Variants in SGCA observed in about 807,000 individuals in gnomAD.
SGCA encodes the protein sarcoglycan alpha.
SGCA carries 34 observed loss-of-function variants against 38.1 expected under a neutral mutation model. That is an observed-to-expected ratio of 0.89 (90% confidence interval 0.68 to 1.19). The LOEUF is 1.19. SGCA is among the 50% of genes most tolerant of loss of function. The pLI is 0.00. For missense variants in SGCA, 476 were observed against 524.9 expected (o/e 0.91, Z 0.91); for synonymous variants, 209 against 214.6 (o/e 0.97, Z 0.23).
chr17:50,171,836 TTG>T (rs1048664137), intron 8 of SGCA: 9 of 456,680 alleles, frequency 2.0e-5, no homozygotes, highest in African/African-American at 1.8e-4. Context: ...GGACACATAC[TTG>T]CAGGTCCCCT....
At chr17:50,169,414 TACACACAC>T (rs3138607) in intron 6 of SGCA, 160 bp downstream of exon 6, 12 of 481,356 alleles carry the variant, frequency 2.5e-5, no homozygotes, top group Admixed American at 1.4e-4. Flanking sequence ...AGTCTGAGGA[TACACACAC>T]ACACACACAC....
At chr17:50,175,587 G>C in intron 9 of SGCA, 125 bp from the exon 10 acceptor site, 1 of 790,688 alleles carries the variant, frequency 1.3e-6, no homozygotes, top group Non-Finnish European at 2.1e-6. Flanking sequence ...GGCCGCTGCT[G>C]GGGGTCCTCA....
At chr17:50,172,883 CT>C (rs1190520004) in intron 8 of SGCA, among the ~76,000 whole-genome samples, 2 of 152,170 alleles carry the variant, frequency 1.3e-5, no homozygotes, top group Non-Finnish European at 2.9e-5. Flanking sequence ...CTTTTATTTT[CT>C]GTTTTCAATT....
intron 6 of SGCA, chr17:50,169,514 C>A (rs2144499471): frequency 3.8e-6 from 2 of 529,908 alleles, no homozygotes; most frequent in East Asian, 3.2e-5. Context: ...GGGTCTCCAA[C>A]TCCCGCGCCC....
At chr17:50,169,447 C>A (rs866495757) in intron 6 of SGCA, 193 bp downstream of exon 6, 2 of 427,512 alleles carry the variant, frequency 4.7e-6, no homozygotes, top group South Asian at 2.9e-5. Flanking sequence ...ACACACACAC[C>A]CCTGAAGTTC....
chr17:50,168,981 C>G (rs1905152704), intron 5 of SGCA, 111 bp from the exon 6 acceptor site: 1 of 998,110 alleles, frequency 1.0e-6, no homozygotes, highest in African/African-American at 1.6e-5. Flanking sequence ...CTCCCTCATC[C>G]CATCCCCAGG....
Position 50,167,287 on chromosome 17 carries a change from G to A in SGCA, c.38-81G>A. The A allele has an allele frequency of 6.2e-7, 1 of 1,600,750 alleles. No individual in the cohort carries two copies. The highest frequency in any genetic ancestry group is 1.7e-4 in the Middle Eastern group (1 of 5,934). On this transcript the variant is annotated intron_variant, in intron 1 of 9. Coordinates refer to ENST00000262018, the MANE Select transcript of SGCA (RefSeq NM_000023.4). This position sits in a 1 kb window ranked among gnomAD's most constrained non-coding sequence, Gnocchi z 4.5. ...TCTCTCGGTCCCTTAGGGGCTCCAAGGACTTGGTGGGGAAGGGAGCTTATC... is the reference window on the plus strand; with the variant it reads ...TCTCTCGGTCCCTTAGGGGCTCCAAAGACTTGGTGGGGAAGGGAGCTTATC...
rs199810179 is a variant in SGCA at position 50,168,490 on chromosome 17, G to A, written c.502G>A (p.Gly168Arg). 7.6e-6 allele frequency: 12 copies of A among 1,579,924 alleles called. No homozygotes were observed. Among genetic ancestry groups the A allele is most frequent in the East Asian group, 4.6e-5 (2 of 43,432 alleles). Reference protein sequence around the residue: ...LSALGGLWEPGELQLLNVTSA... With the variant: ...LSALGGLWEPRELQLLNVTSA... Reference sequence around the variant, plus strand: ...AGCCTTGGGGGGACTCTGGGAGCCCGGAGAGCTTCAGCTGCTCAACGTCAC... The same window carrying A: ...AGCCTTGGGGGGACTCTGGGAGCCCAGAGAGCTTCAGCTGCTCAACGTCAC... The change falls in exon 5 of 10, where the codon GGA becomes AGA. Residue 168 changes from glycine to arginine, a missense_variant. Coordinates refer to ENST00000262018, the MANE Select transcript of SGCA (RefSeq NM_000023.4).
chr17:50,169,273 T>C lies in SGCA; in HGVS notation c.747+19T>C, dbSNP rs372018946. ...GACCCTGGTGAGGAGGGACCCTGGG[T>C]CCGGGGGTGGGGTGGGGCATGGCCC... On this transcript the variant is annotated intron_variant, in intron 6 of 9. Coordinates refer to ENST00000262018, the MANE Select transcript of SGCA (RefSeq NM_000023.4). 3.7e-6 allele frequency: 6 copies of C among 1,601,698 alleles called. No homozygotes were observed. Among genetic ancestry groups the C allele is most frequent in the African/African-American group, 1.3e-5 (1 of 74,674 alleles).
At chr17:50,174,100 C>T (rs987506046) in intron 8 of SGCA, among the ~76,000 whole-genome samples, 11 of 152,154 alleles carry the variant, frequency 7.2e-5, no homozygotes, top group African/African-American at 2.4e-5. Context: ...AGGAGGGTCC[C>T]TTGAGGCCAG....
intron 8 of SGCA, among the ~76,000 whole-genome samples, 194 bp downstream of exon 8, chr17:50,170,860 G>A (rs1052746233): frequency 6.6e-6 from 1 of 152,158 alleles, no homozygotes; most frequent in Non-Finnish European, 1.5e-5. Flanking sequence ...GGAAGTTTGA[G>A]GCCAGCCTGG....
In SGCA at chr17:50,166,088, G is replaced by A. The variant is rs539899170; in HGVS notation, c.37+11G>A. 62 of 1,611,376 alleles carry A rather than the reference G, an allele frequency of 3.8e-5. No individual in the cohort carries two copies. In the South Asian group the frequency reaches 5.6e-4, roughly 15 times the overall value. Reference sequence around the variant, plus strand: ...CTCCTCTCCTCGTGGGCAAGTTGGGGCCTTGTTCAGCGGGGAGGCCCAGGA... The same window carrying A: ...CTCCTCTCCTCGTGGGCAAGTTGGGACCTTGTTCAGCGGGGAGGCCCAGGA... On this transcript the variant is annotated intron_variant, in intron 1 of 9. Coordinates refer to ENST00000262018, the MANE Select transcript of SGCA (RefSeq NM_000023.4).
At chr17:50,166,335 GCC>G (rs756543067) in intron 1 of SGCA, among the ~76,000 whole-genome samples, 1 of 152,102 alleles carries the variant, frequency 6.6e-6, no homozygotes, top group Non-Finnish European at 1.5e-5. Context: ...GACAGCACAG[GCC>G]CAAAGGGTCG....
chr17:50,174,470 T>C (rs1353230784), intron 8 of SGCA, among the ~76,000 whole-genome samples: 7 of 151,964 alleles, frequency 4.6e-5, no homozygotes, highest in Admixed American at 1.3e-4. Flanking sequence ...CTCAGCCACA[T>C]TTTCTCTTTC....
At position 50,166,285 on chromosome 17, in the gene SGCA, G is replaced by A. The variant is rs533470336; in HGVS notation, c.37+208G>A. Reference sequence around the variant, plus strand: ...GGGCTCTGGGATGAAGGGGCTGGGAGCTCTGAGGGCTGGAGGTGTCCTAGG... The same window carrying A: ...GGGCTCTGGGATGAAGGGGCTGGGAACTCTGAGGGCTGGAGGTGTCCTAGG... On this transcript the variant is annotated intron_variant, in intron 1 of 9. Transcript: ENST00000262018. 9.9e-6 allele frequency: 6 copies of A among 608,138 alleles called. No homozygotes were observed. In the East Asian group the frequency reaches 1.7e-4, roughly 17 times the overall value. The allele number at this position is 608,138 out of a possible 1,614,324, so 37.7% of individuals were successfully genotyped here. A position where few individuals can be genotyped will look rare whatever the true frequency, so the allele number is the denominator to read the frequency against.
At chr17:50,170,439 G>T in intron 7 of SGCA, 88 bp downstream of exon 7, 1 of 1,417,508 alleles carries the variant, frequency 7.1e-7, no homozygotes, top group Non-Finnish European at 9.9e-7. Context: ...ATGGGACCCA[G>T]ACACCATGGG....
chr17:50,174,910 A>G (rs1905801103), intron 8 of SGCA, among the ~76,000 whole-genome samples: 1 of 151,888 alleles, frequency 6.6e-6, no homozygotes, highest in Non-Finnish European at 1.5e-5. Flanking sequence ...CTCCTGCCTC[A>G]GCCTCCTGAG....
At chr17:50,166,382 C>T (rs2144489304) in intron 1 of SGCA, among the ~76,000 whole-genome samples, 1 of 152,216 alleles carries the variant, frequency 6.6e-6, no homozygotes, top group South Asian at 2.1e-4. Context: ...GCCGCAGCTT[C>T]TAAGCCCAGG....
chr17:50,166,010 T>C lies in SGCA; in HGVS notation c.-31T>C, dbSNP rs199527818. The stretch of plus-strand genomic sequence containing the variant: ...CTCTCCTCCCTGCCCCCTGTCTCTG[T>C]CACTCACCGGGCGGGCCAGGCCGGG... On this transcript the variant is annotated 5_prime_UTR_variant, in exon 1 of 10. Transcript: ENST00000262018. 5.0e-4 allele frequency: 805 copies of C among 1,604,190 alleles called. 1 individual carries two copies. Among genetic ancestry groups the C allele is most frequent in the Non-Finnish European group, 6.6e-4 (768 of 1,171,416 alleles).
Sources: gnomAD v4.1 joint callset for allele counts (sites outside exome capture counted in the v4.1 genomes callset) on GRCh38, gnomAD v4.1.1 for gene constraint, Gnocchi (gnomAD v3.1) non-coding constraint, MANE v1.5 for transcripts, NCBI Gene and HGNC (gene_info 2026-07-23, HGNC 2026-07-21) for gene names.